PATL2: variants seen among roughly 807,000 people sequenced by gnomAD.
PATL2 encodes protein PAT1 homolog 2.
In PATL2, 73 loss-of-function variants were observed where a neutral mutation model predicts 77.0. The observed-to-expected ratio is 0.95, with a 90% CI of 0.78 to 1.15. The LOEUF (loss-of-function observed/expected upper bound fraction) is 1.15, where lower values mean the gene tolerates loss of function less well. PATL2 is among the 50% of genes most tolerant of loss of function. PATL2 has a pLI of 0.00. For synonymous variants in PATL2, 265 were observed against 257.1 expected (o/e 1.03, Z -0.29); for missense variants, 618 against 655.4 (o/e 0.94, Z 0.62).
At chr15:44,706,284 T>C (rs2086735190) in intron 3 of PATL2, among the ~76,000 whole-genome samples, 2 of 152,204 alleles carry the variant, frequency 1.3e-5, no homozygotes, top group Admixed American at 1.3e-4. Flanking sequence ...TTTGTATCTG[T>C]CCTTCTTGGG....
intron 3 of PATL2, among the ~76,000 whole-genome samples, 185 bp downstream of exon 3, chr15:44,709,909 ATT>A (rs1451383838): frequency 1.3e-5 from 2 of 152,230 alleles, no homozygotes; most frequent in Admixed American, 1.3e-4. Context: ...CAACACTAAC[ATT>A]TCAGGCCTTT....
In PATL2 at chr15:44,675,473, T is replaced by A; in HGVS notation, c.222+13A>T. On this transcript the variant is annotated intron_variant, in intron 5 of 17. Transcript: ENST00000682850. ...TCAGGACAACCCTCTCCCATTCCCT[T>A]CTGCCATGGTACCTGGGTGTTGTGG... 3 of 1,549,036 alleles carry A rather than the reference T, an allele frequency of 1.9e-6. No individual in the cohort carries two copies. Among genetic ancestry groups the A allele is most frequent in the Non-Finnish European group, 2.6e-6 (3 of 1,145,480 alleles).
intron 3 of PATL2, among the ~76,000 whole-genome samples, chr15:44,690,277 T>C (rs1167403012): frequency 1.3e-5 from 2 of 152,158 alleles, no homozygotes; most frequent in African/African-American, 4.8e-5. Context: ...GCTGACAAAT[T>C]TGTCTACAAA....
intron 3 of PATL2, among the ~76,000 whole-genome samples, chr15:44,691,892 G>A (rs970222055): frequency 2.6e-5 from 4 of 151,710 alleles, no homozygotes; most frequent in Non-Finnish European, 4.4e-5. Flanking sequence ...GATAAATATC[G>A]TCCTTATTTT....
intron 15 of PATL2, 151 bp from the exon 16 acceptor site, chr15:44,667,354 T>A: frequency 1.6e-6 from 1 of 628,666 alleles, no homozygotes; most frequent in South Asian, 1.9e-5. Context: ...TTTACACTGG[T>A]GAGCCAAAGA....
At chr15:44,703,896 T>A (rs1809979514) in intron 3 of PATL2, among the ~76,000 whole-genome samples, 1 of 151,840 alleles carries the variant, frequency 6.6e-6, no homozygotes, top group African/African-American at 2.4e-5. Context: ...CCTTCCTTCT[T>A]TTGTTCCTGT....
At chr15:44,675,918 G>A (rs1486132162) in intron 4 of PATL2, 17 of 520,836 alleles carry the variant, frequency 3.3e-5, no homozygotes, top group South Asian at 1.9e-4. Context: ...GTGGTGGCTC[G>A]TGCCTGTAGT....
intron 17 of PATL2, 52 bp from the exon 18 acceptor site, chr15:44,666,023 T>G: frequency 7.0e-7 from 1 of 1,438,284 alleles, no homozygotes; most frequent in Non-Finnish European, 9.4e-7. Flanking sequence ...TTGCAAGTAT[T>G]TATATGATTT....
chr15:44,707,538 CTGGAATGTGGGCCT>C, intron 3 of PATL2, among the ~76,000 whole-genome samples: 1 of 152,268 alleles, frequency 6.6e-6, no homozygotes, highest in Middle Eastern at 3.4e-3. Flanking sequence ...GAGCTATGGC[CTGGAATGTGGGCCT>C]CAGGACTTTG....
chr15:44,673,181 C>A (rs2085774423), intron 7 of PATL2, 54 bp downstream of exon 7: 1 of 1,540,922 alleles, frequency 6.5e-7, no homozygotes, highest in Non-Finnish European at 8.8e-7. Flanking sequence ...ATGGTCCCCG[C>A]CCCTCCTCAG....
intron 3 of PATL2, among the ~76,000 whole-genome samples, chr15:44,689,929 C>T (rs2086350344): frequency 6.6e-6 from 1 of 152,144 alleles, no homozygotes; most frequent in South Asian, 2.1e-4. Flanking sequence ...GTGTCTCACA[C>T]CTGTAATCCC....
At chr15:44,685,372 G>C (rs2086230461) in intron 3 of PATL2, among the ~76,000 whole-genome samples, 1 of 152,194 alleles carries the variant, frequency 6.6e-6, no homozygotes, top group African/African-American at 2.4e-5. Context: ...ACTTTGGGAG[G>C]CCAAGGCGGG....
chr15:44,670,956 A>AC (rs1379319719), intron 9 of PATL2, among the ~76,000 whole-genome samples: 1 of 152,236 alleles, frequency 6.6e-6, no homozygotes, highest in African/African-American at 2.4e-5. Context: ...ACATTTTCTT[A>AC]AAGTTGAGAA....
At chr15:44,669,729 C>G in intron 11 of PATL2, 48 bp downstream of exon 11, 8 of 1,540,048 alleles carry the variant, frequency 5.2e-6, no homozygotes, top group Non-Finnish European at 6.2e-6. Context: ...GTTCTAGACC[C>G]TTCTTCCAAA....
chr15:44,685,773 A>G (rs1051048387), intron 3 of PATL2, among the ~76,000 whole-genome samples: 2 of 152,222 alleles, frequency 1.3e-5, no homozygotes, highest in African/African-American at 4.8e-5. Flanking sequence ...CCCAGATAAA[A>G]CAGACTTTAA....
In PATL2 at chr15:44,676,791, A is replaced by G. The variant is rs1007505236; in HGVS notation, c.-75-226T>C. ...CAGAAATGAGGCACAGGCTAGAAGC[A>G]GGAAGAGAAGTACTTCCCAACCGAC... On this transcript the variant is annotated intron_variant, in intron 3 of 17. Transcript: ENST00000682850. 3 of 1,212,104 alleles carry G rather than the reference A, an allele frequency of 2.5e-6. No individual in the cohort carries two copies. In the African/African-American group the frequency reaches 4.7e-5, roughly 19 times the overall value. 75.1% of individuals were successfully genotyped at this position (1,212,104 alleles called of 1,614,324 possible).
intron 6 of PATL2, 58 bp from the exon 7 acceptor site, chr15:44,673,435 CTTG>C (rs1363634525): frequency 1.9e-6 from 3 of 1,539,102 alleles, no homozygotes; most frequent in East Asian, 2.4e-5. Context: ...GAATGCTGCT[CTTG>C]TTGTGAGGGC....
chr15:44,683,208 C>T (rs1210415837), intron 3 of PATL2, among the ~76,000 whole-genome samples: 4 of 152,056 alleles, frequency 2.6e-5, no homozygotes, highest in South Asian at 2.1e-4. Flanking sequence ...TTTTTCATAC[C>T]CCAGTGGCGT....
At chr15:44,689,351 C>T (rs951894876) in intron 3 of PATL2, among the ~76,000 whole-genome samples, 6 of 152,178 alleles carry the variant, frequency 3.9e-5, no homozygotes, top group South Asian at 2.1e-4. Flanking sequence ...CCCAACAATC[C>T]AATTACTGGG....
Sources: gnomAD v4.1 joint callset for allele counts (sites outside exome capture counted in the v4.1 genomes callset) on GRCh38, gnomAD v4.1.1 for gene constraint, MANE v1.5 for transcripts, NCBI Gene and HGNC (gene_info 2026-07-23, HGNC 2026-07-21) for gene names.